ASIC2: variants seen among roughly 807,000 people sequenced by gnomAD.
ASIC2 encodes acid sensing ion channel subunit 2, also known as acid-sensing ion channel 2.
ASIC2 carries 25 observed loss-of-function variants against 57.3 expected under a neutral mutation model. The ratio of observed to expected loss-of-function variants is 0.44; its 90% CI spans 0.32 to 0.61. The LOEUF is 0.61. Ranked by LOEUF, ASIC2 falls within the 20% of genes least tolerant of loss-of-function variation. ASIC2 has a pLI of 0.06. For missense variants in ASIC2, 641 were observed against 738.1 expected (o/e 0.87, Z 1.52); for synonymous variants, 319 against 307.5 (o/e 1.04, Z -0.39).
At chr17:33,718,293 C>T (rs1440789655) in intron 1 of ASIC2, among the ~76,000 whole-genome samples, 1 of 152,028 alleles carries the variant, frequency 6.6e-6, no homozygotes, top group East Asian at 1.9e-4. Flanking sequence ...TTAGTTGAAT[C>T]GACAGGTATA....
intron 1 of ASIC2, among the ~76,000 whole-genome samples, chr17:33,497,484 C>T (rs979515443): frequency 3.3e-5 from 5 of 152,100 alleles, no homozygotes; most frequent in African/African-American, 7.2e-5. Flanking sequence ...TGAAGGACCT[C>T]GAAGGAAAGA....
At chr17:33,396,474 T>G (rs940347080) in intron 1 of ASIC2, among the ~76,000 whole-genome samples, 1 of 152,186 alleles carries the variant, frequency 6.6e-6, no homozygotes, top group African/African-American at 2.4e-5. Context: ...TTTACCGATG[T>G]GGGAAACTGA....
chr17:33,619,963 G>A (rs966474335), intron 1 of ASIC2, among the ~76,000 whole-genome samples: 1 of 152,082 alleles, frequency 6.6e-6, no homozygotes, highest in Middle Eastern at 3.2e-3. Flanking sequence ...TGGAAAAATG[G>A]ATGTTTGGAA....
chr17:33,412,520 C>G (rs1910698720), intron 1 of ASIC2, among the ~76,000 whole-genome samples: 1 of 152,150 alleles, frequency 6.6e-6, no homozygotes, highest in Non-Finnish European at 1.5e-5. Flanking sequence ...TCAGAGAAGT[C>G]AAATAATTTG....
chr17:33,790,375 C>A (rs1329472228), intron 1 of ASIC2, among the ~76,000 whole-genome samples: 2 of 152,088 alleles, frequency 1.3e-5, no homozygotes, highest in African/African-American at 2.4e-5. Context: ...TATGAAGAAG[C>A]AATCTCAGAA....
intron 1 of ASIC2, among the ~76,000 whole-genome samples, chr17:33,510,956 G>A (rs1914413118): frequency 6.6e-6 from 1 of 152,194 alleles, no homozygotes; most frequent in Admixed American, 6.5e-5. Context: ...AGAGTCTGTT[G>A]TCTGCATCCC....
At chr17:33,795,322 T>C (rs1911885675) in intron 1 of ASIC2, among the ~76,000 whole-genome samples, 1 of 152,206 alleles carries the variant, frequency 6.6e-6, no homozygotes, top group Admixed American at 6.5e-5. Context: ...TCTTTGAAAA[T>C]CTCCTTCAAC....
At chr17:33,303,841 A>G (rs1906061893) in intron 1 of ASIC2, among the ~76,000 whole-genome samples, 1 of 152,210 alleles carries the variant, frequency 6.6e-6, no homozygotes, top group Admixed American at 6.5e-5. Flanking sequence ...TATGGCACTA[A>G]GACACAACAT....
intron 1 of ASIC2, among the ~76,000 whole-genome samples, chr17:33,704,579 T>C (rs2142071781): frequency 6.6e-6 from 1 of 152,358 alleles, no homozygotes; most frequent in African/African-American, 2.4e-5. Flanking sequence ...TTTTGCTGTG[T>C]GTCTCTTATT....
rs530658860 is a variant in ASIC2 at position 33,854,072 on chromosome 17, T to C, written c.555+301906A>G. On this transcript the variant is annotated intron_variant, in intron 1 of 9. Coordinates refer to the ASIC2 transcript ENST00000359872. ...AGGGAATGAACTCAACAAAAGTCTA[T>C]TCTGGTGCAATACATCTTCTAATTG... Among the ~76,000 whole-genome samples, 12 of 152,346 alleles carry C rather than the reference T, an allele frequency of 7.9e-5. No homozygotes were observed. The East Asian group carries it at 1.9e-3, about 24-fold the overall frequency.
At chr17:33,991,419 C>G (rs1045409979) in intron 1 of ASIC2, among the ~76,000 whole-genome samples, 2 of 152,172 alleles carry the variant, frequency 1.3e-5, no homozygotes, top group African/African-American at 4.8e-5. Flanking sequence ...TAAATGAACC[C>G]TTAAATCCAG....
intron 1 of ASIC2, chr17:34,006,639 A>G (rs1906535060): frequency 6.6e-6 from 1 of 151,810 alleles, no homozygotes; most frequent in South Asian, 2.1e-4. Flanking sequence ...TGATTGATAC[A>G]GAATCATTAT....
intron 1 of ASIC2, among the ~76,000 whole-genome samples, chr17:33,710,356 A>G (rs1908989721): frequency 6.6e-6 from 1 of 152,250 alleles, no homozygotes; most frequent in Non-Finnish European, 1.5e-5. Flanking sequence ...ACACACAAAG[A>G]AAAATAAGAC....
chr17:33,350,482 C>G lies in ASIC2; in HGVS notation c.556-238415G>C, dbSNP rs1435715784. Among the ~76,000 whole-genome samples the G allele has an allele frequency of 2.0e-5, 3 of 152,190 alleles. No homozygotes were observed. In the East Asian group the frequency reaches 5.8e-4, roughly 29 times the overall value. Reference sequence around the variant, plus strand: ...ATCATCCGAGGTCAGGAGTTTGAGACCAGCCTGGCCAACAGGACGAAACCC... The same window carrying G: ...ATCATCCGAGGTCAGGAGTTTGAGAGCAGCCTGGCCAACAGGACGAAACCC... On this transcript the variant is annotated intron_variant, in intron 1 of 9. Transcript: ENST00000359872.
chr17:33,151,213 A>T (rs1238242650), intron 1 of ASIC2, among the ~76,000 whole-genome samples: 2 of 151,292 alleles, frequency 1.3e-5, no homozygotes, highest in Non-Finnish European at 2.9e-5. Flanking sequence ...GCGCACACAC[A>T]CACACACACA....
chr17:33,309,037 G>T (rs2142202570), intron 1 of ASIC2, among the ~76,000 whole-genome samples: 1 of 152,250 alleles, frequency 6.6e-6, no homozygotes, highest in Non-Finnish European at 1.5e-5. Context: ...TAATGAAGTG[G>T]CAACGGACCA....
At chr17:33,870,986 C>T (rs1433512182) in intron 1 of ASIC2, among the ~76,000 whole-genome samples, 1 of 152,078 alleles carries the variant, frequency 6.6e-6, no homozygotes, top group Non-Finnish European at 1.5e-5. Flanking sequence ...CACCCCACCC[C>T]CTGAGATGCT....
rs2091943899 is a variant in ASIC2, at chr17:33,044,520, C to T, written c.988-16128G>A. On this transcript the variant is annotated intron_variant, in intron 3 of 9. Transcript: ENST00000225823. ...CCCAAGTAGCTGAGATTACAGGCAC[C>T]CGAAACTAATTTTTGTATTTTTGTA... 2.0e-5 allele frequency among the ~76,000 whole-genome samples: 3 copies of T among 151,986 alleles called. No individual in the cohort carries two copies. The South Asian group carries it at 6.2e-4, about 32-fold the overall frequency.
rs114946304 is a variant in ASIC2, at chr17:33,251,311, C to T, written c.708+40097G>A. On this transcript the variant is annotated intron_variant, in intron 1 of 9. Transcript: ENST00000225823. ...ACCAGCTTTAGTTGAACACCTATTA[C>T]GGATCAGCTACCATCTTATCTTATT... 3.0e-3 allele frequency among the ~76,000 whole-genome samples: 464 copies of T among 152,238 alleles called. 4 individuals are homozygous for T. The highest frequency in any genetic ancestry group is 0.01 in the African/African-American group (427 of 41,532).
Sources: gnomAD v4.1 joint callset for allele counts (sites outside exome capture counted in the v4.1 genomes callset) on GRCh38, gnomAD v4.1.1 for gene constraint, MANE v1.5 for transcripts, NCBI Gene and HGNC (gene_info 2026-07-23, HGNC 2026-07-21) for gene names.